The following SETBP1 variants were observed in gnomAD, a reference collection of about 807,000 sequenced individuals.
SETBP1 encodes SET-binding protein.
A neutral mutation model predicts 101.0 loss-of-function variants in SETBP1; 9 were observed. The ratio of observed to expected loss-of-function variants is 0.09; its 90% CI spans 0.05 to 0.16. The LOEUF (loss-of-function observed/expected upper bound fraction) is 0.16. Ranked by LOEUF, SETBP1 falls within the 10% of genes least tolerant of loss-of-function variation. The probability of loss-of-function intolerance (pLI) is 1.00; values close to 1 mark genes in which losing one functional copy is unlikely to be tolerated. For synonymous variants in SETBP1, 818 were observed against 788.5 expected, an observed-to-expected ratio of 1.04 and a Z score of -0.63; for missense variants, 1,858 against 2,033.8, an observed-to-expected ratio of 0.91 and a Z score of 1.66.
rs781376096 is a variant in SETBP1 at position 44,701,736 on chromosome 18, G to A, written c.390G>A (p.Lys130=). 2.5e-6 allele frequency: 4 copies of A among 1,613,946 alleles called. No individual in the cohort carries two copies. The South Asian group carries it at 4.4e-5, about 18-fold the overall frequency. ...LENYICPPEI[K]ITIKQSGDQK... Reference sequence around the variant, plus strand: ...ACTATATATGTCCACCTGAGATCAAGATCACCATCAAGCAGTCTGGGGACC... The same window carrying A: ...ACTATATATGTCCACCTGAGATCAAAATCACCATCAAGCAGTCTGGGGACC... Residue 130 remains lysine, a synonymous_variant, in exon 2 of 6, where the codon AAG becomes AAA. Coordinates refer to ENST00000649279, the MANE Select transcript of SETBP1 (RefSeq NM_015559.3).
At chr18:45,035,761 A>G (rs1568042112) in intron 4 of SETBP1, among the ~76,000 whole-genome samples, 1 of 152,180 alleles carries the variant, frequency 6.6e-6, no homozygotes, top group Non-Finnish European at 1.5e-5. Flanking sequence ...AAGAAATCTG[A>G]CCGCTTATAT....
Position 44,819,352 on chromosome 18 carries a change from A to G in SETBP1, c.487-49878A>G, listed in dbSNP as rs556091108. Among the ~76,000 whole-genome samples the G allele has an allele frequency of 3.3e-5, 5 of 152,310 alleles. No individual in the cohort carries two copies. The East Asian group carries it at 9.7e-4, about 29-fold the overall frequency. ...CTCTGTCAGCTGAGAGAGTGTGGGT[A>G]TAATTCTATCCTTTTCATCCTCCCT... On this transcript the variant is annotated intron_variant, in intron 2 of 5. Coordinates refer to ENST00000649279, the MANE Select transcript of SETBP1 (RefSeq NM_015559.3).
intron 2 of SETBP1, among the ~76,000 whole-genome samples, chr18:44,767,842 A>T (rs910618138): frequency 6.6e-6 from 1 of 152,192 alleles, no homozygotes. Flanking sequence ...CAAGCCTTTG[A>T]TATACTCGTT....
Position 45,060,182 on chromosome 18 carries a change from T to A in SETBP1, c.4172-2897T>A, listed in dbSNP as rs375307238. Among the ~76,000 whole-genome samples, 16 of 152,236 alleles carry A rather than the reference T, an allele frequency of 1.1e-4. 1 individual carries two copies. The highest frequency in any genetic ancestry group is 3.9e-4 in the African/African-American group (16 of 41,466). On this transcript the variant is annotated intron_variant, in intron 5 of 5. Transcript: ENST00000649279. ...ATTAGATTGTTCTCAGTTTTCTGTA[T>A]CATACACTGAGCTTCAAGGAACATC...
At chr18:44,980,005 G>C (rs528098771) in intron 4 of SETBP1, among the ~76,000 whole-genome samples, 3 of 152,342 alleles carry the variant, frequency 2.0e-5, no homozygotes, top group African/African-American at 7.2e-5. Context: ...CAGTGTCACT[G>C]TGTGCCCAGA....
chr18:44,735,348 T>A (rs2144424804), intron 2 of SETBP1, among the ~76,000 whole-genome samples: 1 of 152,374 alleles, frequency 6.6e-6, no homozygotes, highest in East Asian at 1.9e-4. Context: ...TGGGCTCAGC[T>A]GTTTCTTCCT....
At chr18:44,810,948 T>A (rs1175811107) in intron 2 of SETBP1, among the ~76,000 whole-genome samples, 1 of 152,192 alleles carries the variant, frequency 6.6e-6, no homozygotes, top group Non-Finnish European at 1.5e-5. Flanking sequence ...ACCATGTAAA[T>A]TTCAAAAGAT....
At chr18:44,966,027 C>T (rs765366566) in intron 4 of SETBP1, among the ~76,000 whole-genome samples, 9 of 152,200 alleles carry the variant, frequency 5.9e-5, no homozygotes, top group Non-Finnish European at 1.2e-4. Flanking sequence ...AAACAAAGCT[C>T]GATTGCATCT....
chr18:44,757,992 G>A (rs1210222408), intron 2 of SETBP1, among the ~76,000 whole-genome samples: 1 of 152,214 alleles, frequency 6.6e-6, no homozygotes, highest in Non-Finnish European at 1.5e-5. Context: ...AGTTGGAGAT[G>A]AGTCTCTTAT....
intron 4 of SETBP1, among the ~76,000 whole-genome samples, chr18:45,024,918 T>G (rs998794670): frequency 6.6e-6 from 1 of 152,240 alleles, no homozygotes; most frequent in African/African-American, 2.4e-5. Context: ...TTAGTGAAAC[T>G]CAACTATTTC....
rs567063754 is a variant in SETBP1, at chr18:44,946,335, G to C, written c.541-3546G>C. Among the ~76,000 whole-genome samples, 28 of 152,194 alleles carry C rather than the reference G, an allele frequency of 1.8e-4. No homozygotes were observed. In the South Asian group the frequency reaches 2.1e-3, roughly 11 times the overall value. ...CACTAGGGACTGGGCATGCTTAACT[G>C]TATTACTCTCAGCTGGTCTGCCCTG... On this transcript the variant is annotated intron_variant, in intron 3 of 5. Transcript: ENST00000649279.
chr18:44,934,391 T>G (rs1449388933), intron 3 of SETBP1, among the ~76,000 whole-genome samples: 6 of 152,200 alleles, frequency 3.9e-5, no homozygotes, highest in Non-Finnish European at 8.8e-5. Context: ...TCAAGTGATC[T>G]GCCCTCCTCG....
intron 3 of SETBP1, among the ~76,000 whole-genome samples, chr18:44,936,182 CT>C (rs1272658405): frequency 6.6e-6 from 1 of 152,224 alleles, no homozygotes; most frequent in Non-Finnish European, 1.5e-5. Context: ...CAGCCCAGGG[CT>C]CCCAGGACCC....
Position 45,065,583 on chromosome 18 carries a change from C to T in SETBP1, c.*1885C>T, listed in dbSNP as rs560111525. ...AATTCCAAGTTAATATGCTTGCAAA[C>T]ATTACTGCTGCGTTATGGCACCAAG... On this transcript the variant is annotated 3_prime_UTR_variant, in exon 6 of 6. Coordinates refer to ENST00000649279, the MANE Select transcript of SETBP1 (RefSeq NM_015559.3). 4.6e-5 allele frequency: 7 copies of T among 152,312 alleles called. No homozygotes were observed. The highest frequency in any genetic ancestry group is 1.4e-4 in the African/African-American group (6 of 41,570). 9.4% of individuals were successfully genotyped at this position (152,312 alleles called of 1,614,324 possible).
chr18:44,877,525 C>A, intron 3 of SETBP1: 1 of 228,072 alleles, frequency 4.4e-6, no homozygotes, highest in Non-Finnish European at 7.3e-6. Context: ...TTTCTTGCTA[C>A]TTTTAGGATA....
intron 5 of SETBP1, among the ~76,000 whole-genome samples, chr18:45,043,741 C>G: frequency 6.6e-6 from 1 of 152,130 alleles, no homozygotes; most frequent in Non-Finnish European, 1.5e-5. Flanking sequence ...AGCCATCAGT[C>G]GAATCAGAAC....
At chr18:44,706,510 C>T (rs2069221392) in intron 2 of SETBP1, among the ~76,000 whole-genome samples, 1 of 145,154 alleles carries the variant, frequency 6.9e-6, no homozygotes, top group African/African-American at 2.6e-5. Context: ...ATCGCTTGAA[C>T]CCAAGAGGTG....
chr18:44,953,019 G>A lies in SETBP1; in HGVS notation c.3679G>A (p.Glu1227Lys). The change falls in exon 4 of 6, where the codon GAG becomes AAG. Residue 1227 changes from glutamate (E) to lysine (K), a missense_variant. Physicochemically the swap from Glu to Lys is moderately conservative, Grantham distance 56 (BLOSUM62 1). Transcript: ENST00000649279. ...CCACAAAGCTTCTAAGAACAACTTT[G>A]AGGTGGACACCCTGTCTACACTGTC... ...AGHKASKNNFEVDTLSTLSLS... is the reference protein window; with the variant it reads ...AGHKASKNNFKVDTLSTLSLS... The A allele has an allele frequency of 6.2e-7, 1 of 1,614,132 alleles. No individual in the cohort carries two copies. The highest frequency in any genetic ancestry group is 8.5e-7 in the Non-Finnish European group (1 of 1,180,020).
At chr18:44,941,913 G>A (rs1193617671) in intron 3 of SETBP1, among the ~76,000 whole-genome samples, 4 of 152,106 alleles carry the variant, frequency 2.6e-5, no homozygotes, top group African/African-American at 9.7e-5. Context: ...CATAGTAGCT[G>A]TTTGGAGAGC....
Sources: allele counts gnomAD v4.1 joint callset (sites outside exome capture counted in the v4.1 genomes callset), GRCh38; gene constraint gnomAD v4.1.1; transcripts MANE v1.5; gene names NCBI Gene and HGNC (gene_info 2026-07-23, HGNC 2026-07-21).